The following RASSF8 variants were observed in gnomAD, a reference collection of about 807,000 sequenced individuals.
RASSF8 encodes ras association domain-containing protein 8.
A neutral mutation model predicts 48.5 loss-of-function variants in RASSF8; 22 were observed. The ratio of observed to expected loss-of-function variants is 0.45; its 90% CI spans 0.32 to 0.65. The LOEUF (loss-of-function observed/expected upper bound fraction) is 0.65, where lower values mean the gene tolerates loss of function less well. Among genes scored for constraint, RASSF8 ranks in the 30% least tolerant of loss-of-function variants. RASSF8 has a pLI of 0.03. For synonymous variants in RASSF8, 127 were observed against 171.5 expected, an observed-to-expected ratio of 0.74 and a Z score of 2.03; for missense variants, 418 against 489.2, an observed-to-expected ratio of 0.85 and a Z score of 1.37.
At chr12:26,037,675 C>G (rs565223625) in intron 2 of RASSF8, among the ~76,000 whole-genome samples, 2 of 152,270 alleles carry the variant, frequency 1.3e-5, no homozygotes, top group Admixed American at 1.3e-4. Context: ...TTTTCACAAG[C>G]AAATATATTT....
Position 25,965,068 on chromosome 12 carries a change from G to A in RASSF8, c.-203+5920G>A, listed in dbSNP as rs529294658. Among the ~76,000 whole-genome samples, 4 of 151,968 alleles carry A rather than the reference G, an allele frequency of 2.6e-5. No individual in the cohort carries two copies. The East Asian group carries it at 7.8e-4, about 30-fold the overall frequency. On this transcript the variant is annotated intron_variant, in intron 1 of 5. Coordinates refer to ENST00000689635, the MANE Select transcript of RASSF8 (RefSeq NM_001394098.1). The stretch of plus-strand genomic sequence containing the variant: ...TGCCATTCTCCCGCCTCAGCCTCCT[G>A]AGTAGCTGGGACTACAGGTCCCCGC...
chr12:26,025,113 GAT>G (rs1460288060), intron 2 of RASSF8, among the ~76,000 whole-genome samples: 1 of 152,180 alleles, frequency 6.6e-6, no homozygotes, highest in African/African-American at 2.4e-5. Flanking sequence ...TTGTCAACCT[GAT>G]GAATGGCATA....
chr12:25,969,245 A>G (rs146349535), intron 1 of RASSF8, among the ~76,000 whole-genome samples: 2,228 of 152,290 alleles, frequency 0.015, 34 homozygotes, highest in Non-Finnish European at 0.02. Flanking sequence ...GCAGGAGCAC[A>G]GACTCCGGAG....
chr12:26,048,961 T>C (rs1195681731), intron 2 of RASSF8, among the ~76,000 whole-genome samples: 3 of 152,172 alleles, frequency 2.0e-5, no homozygotes, highest in African/African-American at 7.2e-5. Context: ...TTTCACCATA[T>C]TGGCCAGGCC....
intron 5 of RASSF8, among the ~76,000 whole-genome samples, chr12:26,068,235 C>T (rs997236854): frequency 6.6e-6 from 1 of 152,114 alleles, no homozygotes. Flanking sequence ...CTTAGGTGAG[C>T]ATGTAATCAC....
At chr12:25,986,566 G>A (rs565293859) in intron 1 of RASSF8, among the ~76,000 whole-genome samples, 30 of 152,240 alleles carry the variant, frequency 2.0e-4, no homozygotes, top group African/African-American at 7.0e-4. Flanking sequence ...TGATGTGCAG[G>A]CTGCTCCCAG....
intron 2 of RASSF8, among the ~76,000 whole-genome samples, chr12:26,028,120 G>T (rs1942954652): frequency 6.6e-6 from 1 of 152,200 alleles, no homozygotes; most frequent in Non-Finnish European, 1.5e-5. Context: ...TAATGTGGAT[G>T]AATTATAATT....
intron 2 of RASSF8, among the ~76,000 whole-genome samples, chr12:26,023,654 G>A (rs372503985): frequency 3.3e-5 from 5 of 150,838 alleles, no homozygotes; most frequent in African/African-American, 9.7e-5. Context: ...ATTTGAATCC[G>A]CATTAAAAAC....
chr12:25,987,486 G>T (rs968207696), intron 1 of RASSF8, among the ~76,000 whole-genome samples: 2 of 152,146 alleles, frequency 1.3e-5, no homozygotes, highest in African/African-American at 4.8e-5. Flanking sequence ...AAATGATAAG[G>T]TTTCAGAAAC....
chr12:25,972,471 T>C (rs1941506146), intron 1 of RASSF8, among the ~76,000 whole-genome samples: 1 of 152,162 alleles, frequency 6.6e-6, no homozygotes, highest in Non-Finnish European at 1.5e-5. Context: ...TAATAAACAT[T>C]AGAAACATCT....
At chr12:26,037,675 C>CA (rs1436911208) in intron 2 of RASSF8, among the ~76,000 whole-genome samples, 2 of 152,152 alleles carry the variant, frequency 1.3e-5, no homozygotes, top group African/African-American at 4.8e-5. Flanking sequence ...TTTTCACAAG[C>CA]AAATATATTT....
chr12:26,077,675 A>G (rs1944084308), downstream of RASSF8, among the ~76,000 whole-genome samples: 2 of 152,186 alleles, frequency 1.3e-5, no homozygotes, highest in Non-Finnish European at 2.9e-5. Context: ...GACTTGTAGT[A>G]TAGTTTGAAA....
At chr12:26,058,528 A>ACGCG (rs752959327) in intron 3 of RASSF8, among the ~76,000 whole-genome samples, 17 of 82,326 alleles carry the variant, frequency 2.1e-4, no homozygotes, top group Middle Eastern at 6.3e-3. Context: ...ACACATGCGC[A>ACGCG]CGCGCGCGCG....
intron 2 of RASSF8, among the ~76,000 whole-genome samples, chr12:26,042,023 T>C (rs1419343425): frequency 6.6e-6 from 1 of 152,242 alleles, no homozygotes; most frequent in African/African-American, 2.4e-5. Context: ...TTTTGGACTT[T>C]TCAATCTGAA....
intron 2 of RASSF8, among the ~76,000 whole-genome samples, chr12:26,019,190 A>C (rs1044925486): frequency 1.3e-5 from 2 of 152,198 alleles, no homozygotes; most frequent in African/African-American, 4.8e-5. Context: ...CTTTCAAAAT[A>C]ATCTTAGTAA....
chr12:26,025,420 G>T (rs1374244766), intron 2 of RASSF8, among the ~76,000 whole-genome samples: 1 of 152,154 alleles, frequency 6.6e-6, no homozygotes, highest in Non-Finnish European at 1.5e-5. Flanking sequence ...AGCCAGGCGT[G>T]TTGGCGGGCG....
intron 1 of RASSF8, among the ~76,000 whole-genome samples, chr12:25,960,762 C>T (rs11610085): frequency 1.3e-5 from 2 of 152,012 alleles, no homozygotes; most frequent in African/African-American, 2.4e-5. Flanking sequence ...TTGATCAAAT[C>T]TTATGTCTGG....
At chr12:26,007,932 GA>G (rs1249996884) in intron 2 of RASSF8, among the ~76,000 whole-genome samples, 1 of 152,092 alleles carries the variant, frequency 6.6e-6, no homozygotes, top group Admixed American at 6.5e-5. Flanking sequence ...ATCATCTCAA[GA>G]CATTAAATAT....
rs192394103 is a variant in RASSF8, at chr12:26,063,661, A to G, written c.104-837A>G. Among the ~76,000 whole-genome samples the G allele has an allele frequency of 1.6e-3, 237 of 151,976 alleles. 1 individual carries two copies. Among genetic ancestry groups the G allele is most frequent in the African/African-American group, 5.4e-3 (225 of 41,438 alleles). Reference sequence around the variant, plus strand: ...GAAGTCTGCCCACCTTTGCCTCCCAAAATACTGGGATTACAGGTGTGAGCC... The same window carrying G: ...GAAGTCTGCCCACCTTTGCCTCCCAGAATACTGGGATTACAGGTGTGAGCC... On this transcript the variant is annotated intron_variant, in intron 3 of 5. Transcript: ENST00000689635.
Sources: allele counts gnomAD v4.1 joint callset (sites outside exome capture counted in the v4.1 genomes callset), GRCh38; gene constraint gnomAD v4.1.1; transcripts MANE v1.5; gene names NCBI Gene and HGNC (gene_info 2026-07-23, HGNC 2026-07-21).